Variants in KIZ observed in about 807,000 individuals in gnomAD.
The protein encoded by KIZ is centrosomal protein kizuna.
KIZ carries 68 observed loss-of-function variants against 79.6 expected under a neutral mutation model. The observed-to-expected ratio is 0.85, with a 90% confidence interval of 0.70 to 1.05. The LOEUF (loss-of-function observed/expected upper bound fraction) is 1.05. Among genes scored for constraint, KIZ ranks in the 50% least tolerant of loss-of-function variants. The pLI is 0.00. For synonymous variants in KIZ, 280 were observed against 281.8 expected, an observed-to-expected ratio of 0.99 and a Z score of 0.06; for missense variants, 797 against 800.4, an observed-to-expected ratio of 1.00 and a Z score of 0.05.
chr20:21,170,477 T>C (rs6047287), intron 6 of KIZ, among the ~76,000 whole-genome samples: 87,453 of 151,204 alleles, frequency 0.58, 26,931 homozygotes, highest in South Asian at 0.78. Context: ...CAAGCTCCCC[T>C]TCCTGGGTTC....
chr20:21,126,045 G>C (rs2031428458), upstream of KIZ: 4 of 1,412,276 alleles, frequency 2.8e-6, no homozygotes, highest in Non-Finnish European at 3.7e-6. Flanking sequence ...GCATGGTGGG[G>C]CGGTCTCCTT....
chr20:21,187,865 T>C (rs2034951452), intron 6 of KIZ, among the ~76,000 whole-genome samples: 1 of 152,202 alleles, frequency 6.6e-6, no homozygotes, highest in Non-Finnish European at 1.5e-5. Flanking sequence ...TAAAACTTTT[T>C]GAAAATACAG....
At chr20:21,146,885 C>T (rs566149527) in intron 4 of KIZ, among the ~76,000 whole-genome samples, 8 of 152,036 alleles carry the variant, frequency 5.3e-5, no homozygotes, top group Non-Finnish European at 4.4e-5. Flanking sequence ...ATACAAAACA[C>T]CAAGCCCCAG....
At chr20:21,194,408 TAC>T (rs1205403938) in intron 6 of KIZ, 3 of 152,230 alleles carry the variant, frequency 2.0e-5, no homozygotes, top group African/African-American at 4.8e-5. Flanking sequence ...CTAAAATAGT[TAC>T]AGTGTTTCTA....
chr20:21,231,112 C>T (rs1441843528), intron 10 of KIZ, among the ~76,000 whole-genome samples: 4 of 152,214 alleles, frequency 2.6e-5, no homozygotes, highest in Non-Finnish European at 5.9e-5. Context: ...GGAGGCGGAT[C>T]ACCTGAGGTC....
chr20:21,214,712 T>TA lies in KIZ; in HGVS notation c.1612+15dup, dbSNP rs761533871. 2 of 1,599,574 alleles carry TA rather than the reference T, an allele frequency of 1.3e-6. No homozygotes were observed. Among genetic ancestry groups the TA allele is most frequent in the East Asian group, 2.2e-5 (1 of 44,748 alleles). ...TACAAGGGAACAAGGTAACTATTGT[T>TA]AAAGTGTGTGTCCACAGCAAAAAGG... On this transcript the variant is annotated intron_variant, in intron 8 of 12. Coordinates refer to ENST00000619189, the MANE Select transcript of KIZ (RefSeq NM_018474.6).
intron 4 of KIZ, among the ~76,000 whole-genome samples, chr20:21,153,051 A>G (rs2033196609): frequency 6.6e-6 from 1 of 152,218 alleles, no homozygotes. Flanking sequence ...GAGTCCTGGT[A>G]TCTGAGTTTA....
chr20:21,164,915 T>G (rs2033859003), intron 6 of KIZ, among the ~76,000 whole-genome samples: 1 of 152,148 alleles, frequency 6.6e-6, no homozygotes. Context: ...ACTGATTTTC[T>G]GGGTAAAAAT....
At chr20:21,205,607 G>A in intron 7 of KIZ, 23 bp downstream of exon 7, 1 of 1,000,808 alleles carries the variant, frequency 1.0e-6, no homozygotes. Context: ...ACTGTCTGAA[G>A]TTTTCCCAAT....
chr20:21,217,014 A>G (rs1204309073), intron 9 of KIZ, among the ~76,000 whole-genome samples: 1 of 152,236 alleles, frequency 6.6e-6, no homozygotes, highest in Non-Finnish European at 1.5e-5. Context: ...GGCTAGAAGC[A>G]ACTTGGGCTG....
At chr20:21,199,327 C>A (rs1444282121) in intron 6 of KIZ, among the ~76,000 whole-genome samples, 5 of 152,150 alleles carry the variant, frequency 3.3e-5, no homozygotes, top group African/African-American at 1.2e-4. Context: ...TTATGACCAC[C>A]ACAAATTTTA....
chr20:21,214,600 T>A lies in KIZ; in HGVS notation c.1512T>A (p.Ser504Arg), dbSNP rs373263519. Residue 504 changes from serine to arginine, a missense_variant, in exon 8 of 13, where the codon AGT (serine) becomes AGA (arginine). Coordinates refer to ENST00000619189, the MANE Select transcript of KIZ (RefSeq NM_018474.6). ...GCCGTAGGTCAGCTATTCACAGTAG[T>A]GAATCATCTTGCAGCTTGCCATCTA... ...ECGRRSAIHS[S>R]ESSCSLPSIL... 1 of 1,613,040 alleles carries A rather than the reference T, an allele frequency of 6.2e-7. No homozygotes were observed. The highest frequency in any genetic ancestry group is 8.5e-7 in the Non-Finnish European group (1 of 1,179,098).
At chr20:21,192,855 T>C (rs368594127) in intron 6 of KIZ, among the ~76,000 whole-genome samples, 196 of 152,320 alleles carry the variant, frequency 1.3e-3, no homozygotes, top group Non-Finnish European at 2.2e-3. Context: ...AAAGTCTGTG[T>C]GGCCTGCAGA....
intron 3 of KIZ, among the ~76,000 whole-genome samples, chr20:21,137,854 G>A (rs989811773): frequency 1.3e-5 from 2 of 152,138 alleles, no homozygotes; most frequent in African/African-American, 4.8e-5. Context: ...ATGGCTTATG[G>A]TAGCCTCAAC....
intron 4 of KIZ, among the ~76,000 whole-genome samples, chr20:21,158,982 ATATTTATT>A (rs68145616): frequency 0.57 from 84,141 of 148,140 alleles, 25,815 homozygotes; most frequent in South Asian, 0.78. Flanking sequence ...ATATACACAT[ATATTTATT>A]TATTTATTTA....
chr20:21,218,408 G>C (rs905898403), intron 9 of KIZ: 1 of 152,236 alleles, frequency 6.6e-6, no homozygotes. Context: ...CACAAGTATT[G>C]ATGAGCTAAT....
chr20:21,155,971 G>A (rs1440624883), intron 4 of KIZ, among the ~76,000 whole-genome samples: 2 of 152,168 alleles, frequency 1.3e-5, no homozygotes, highest in African/African-American at 4.8e-5. Flanking sequence ...GACTTTTGAT[G>A]CCAGATTCTT....
chr20:21,179,435 C>G (rs1271562433), intron 6 of KIZ, among the ~76,000 whole-genome samples: 1 of 151,562 alleles, frequency 6.6e-6, no homozygotes, highest in Admixed American at 6.6e-5. Flanking sequence ...TTTCCTCTTT[C>G]ATTTCTGATT....
intron 6 of KIZ, among the ~76,000 whole-genome samples, chr20:21,177,228 C>T (rs1319793074): frequency 6.6e-6 from 1 of 152,172 alleles, no homozygotes; most frequent in Non-Finnish European, 1.5e-5. Context: ...GTTCCAGTTT[C>T]TCTACATCTT....
Sources: allele counts gnomAD v4.1 joint callset (sites outside exome capture counted in the v4.1 genomes callset), GRCh38; gene constraint gnomAD v4.1.1; transcripts MANE v1.5; gene names NCBI Gene and HGNC (gene_info 2026-07-23, HGNC 2026-07-21).